The following FAM107B variants were observed in gnomAD, a reference collection of about 807,000 sequenced individuals.
FAM107B encodes protein FAM107B.
In FAM107B, 21 loss-of-function variants were observed where a neutral mutation model predicts 31.5. The ratio of observed to expected loss-of-function variants is 0.67; its 90% confidence interval spans 0.47 to 0.96. FAM107B has a LOEUF of 0.96. Ranked by LOEUF, FAM107B falls within the 40% of genes least tolerant of loss-of-function variation. The pLI is 0.00. For missense variants in FAM107B, 452 were observed against 377.1 expected (o/e 1.20, Z -1.64); for synonymous variants, 157 against 141.5 (o/e 1.11, Z -0.78).
chr10:14,705,023 C>CAAAAA (rs57922026), intron 1 of FAM107B, among the ~76,000 whole-genome samples: 1,555 of 81,764 alleles, frequency 0.019, 43 homozygotes, highest in African/African-American at 0.04. Context: ...GACCCTGTCA[C>CAAAAA]AAAAAAAAAA....
At chr10:14,661,341 C>A (rs143177175) in intron 2 of FAM107B, among the ~76,000 whole-genome samples, 38 of 152,276 alleles carry the variant, frequency 2.5e-4, no homozygotes, top group African/African-American at 9.1e-4. Context: ...GACAGTGTGT[C>A]CAGATGAGTT....
intron 2 of FAM107B, among the ~76,000 whole-genome samples, chr10:14,666,056 C>T (rs1271574147): frequency 6.6e-6 from 1 of 152,162 alleles, no homozygotes; most frequent in African/African-American, 2.4e-5. Context: ...TGAATTACTA[C>T]TATGTATCAG....
At chr10:14,770,355 T>A (rs1225515047) in intron 1 of FAM107B, among the ~76,000 whole-genome samples, 1 of 152,006 alleles carries the variant, frequency 6.6e-6, no homozygotes, top group Non-Finnish European at 1.5e-5. Context: ...AAAACCCATC[T>A]CTACTAAAAA....
chr10:14,623,260 ACAACT>A (rs1853063079), intron 2 of FAM107B, among the ~76,000 whole-genome samples: 1 of 152,222 alleles, frequency 6.6e-6, no homozygotes, highest in Non-Finnish European at 1.5e-5. Flanking sequence ...TCTTAAGCAA[ACAACT>A]CAATCAGTAG....
chr10:14,582,217 C>A (rs1851657412), intron 2 of FAM107B, among the ~76,000 whole-genome samples: 1 of 152,142 alleles, frequency 6.6e-6, no homozygotes, highest in South Asian at 2.1e-4. Context: ...CGTAAATATA[C>A]ACTAAGTTTT....
intron 2 of FAM107B, among the ~76,000 whole-genome samples, chr10:14,652,263 C>T (rs1437482015): frequency 6.6e-6 from 1 of 152,166 alleles, no homozygotes; most frequent in Non-Finnish European, 1.5e-5. Context: ...GAGCTCCTTC[C>T]TGACAGAAAC....
intron 1 of FAM107B, among the ~76,000 whole-genome samples, chr10:14,702,217 A>T (rs763912754): frequency 3.9e-5 from 6 of 152,252 alleles, no homozygotes; most frequent in Non-Finnish European, 8.8e-5. Context: ...ATATATGTAC[A>T]TGGATATCCT....
At chr10:14,612,265 C>T (rs1852744368) in intron 2 of FAM107B, among the ~76,000 whole-genome samples, 1 of 152,122 alleles carries the variant, frequency 6.6e-6, no homozygotes, top group African/African-American at 2.4e-5. Flanking sequence ...ATTTGTTCCA[C>T]CAAATTTAAC....
intron 1 of FAM107B, among the ~76,000 whole-genome samples, chr10:14,738,739 T>C (rs1413236108): frequency 1.3e-5 from 2 of 152,150 alleles, no homozygotes; most frequent in Admixed American, 1.3e-4. Flanking sequence ...AGGTAAGGAA[T>C]TCGGACATTA....
At chr10:14,651,164 T>C (rs1458321797) in intron 2 of FAM107B, among the ~76,000 whole-genome samples, 5 of 152,348 alleles carry the variant, frequency 3.3e-5, no homozygotes, top group African/African-American at 9.6e-5. Flanking sequence ...AGCTAGTATA[T>C]CATTGGCCAG....
intron 2 of FAM107B, among the ~76,000 whole-genome samples, chr10:14,607,097 G>A (rs1235437328): frequency 3.9e-5 from 6 of 152,206 alleles, no homozygotes; most frequent in Non-Finnish European, 5.9e-5. Flanking sequence ...GTGTGTGAAT[G>A]TGATAAGTGA....
chr10:14,525,742 A>G (rs1381810040), intron 3 of FAM107B, among the ~76,000 whole-genome samples: 4 of 152,206 alleles, frequency 2.6e-5, no homozygotes, highest in Non-Finnish European at 5.9e-5. Context: ...CTCTGTGGAC[A>G]TTTATAGCTG....
At chr10:14,658,241 G>A (rs1444968348) in intron 2 of FAM107B, among the ~76,000 whole-genome samples, 1 of 152,180 alleles carries the variant, frequency 6.6e-6, no homozygotes, top group East Asian at 1.9e-4. Flanking sequence ...AAAGAGTTTA[G>A]AGGTCAGGTC....
chr10:14,663,024 C>A (rs72770520), intron 2 of FAM107B, among the ~76,000 whole-genome samples: 1 of 152,060 alleles, frequency 6.6e-6, no homozygotes, highest in East Asian at 1.9e-4. Context: ...CTGAGTCTTC[C>A]GGTCTTCATC....
At chr10:14,667,809 A>C in intron 1 of FAM107B, 118 bp from the exon 2 acceptor site, 1 of 1,002,850 alleles carries the variant, frequency 1.0e-6, no homozygotes, top group Non-Finnish European at 1.5e-6. Context: ...GAAAAACTTA[A>C]ACCACACCTT....
At chr10:14,737,868 G>A (rs1856343977) in intron 1 of FAM107B, among the ~76,000 whole-genome samples, 1 of 149,022 alleles carries the variant, frequency 6.7e-6, no homozygotes, top group African/African-American at 2.5e-5. Flanking sequence ...TTTTCCATCT[G>A]CAAATGCAGT....
At chr10:14,532,929 A>G (rs886288912) in intron 2 of FAM107B, among the ~76,000 whole-genome samples, 1 of 152,088 alleles carries the variant, frequency 6.6e-6, no homozygotes, top group African/African-American at 2.4e-5. Context: ...CAGCGAGAAG[A>G]GCGCATGCAA....
intron 2 of FAM107B, among the ~76,000 whole-genome samples, chr10:14,654,286 T>C (rs967581806): frequency 6.6e-6 from 1 of 152,208 alleles, no homozygotes; most frequent in Admixed American, 6.5e-5. Flanking sequence ...TTTGCTCTGG[T>C]TGTAACATCA....
Position 14,548,838 on chromosome 10 carries a change from A to G in FAM107B, c.470-18323T>C, listed in dbSNP as rs943186. 4.0e-4 allele frequency among the ~76,000 whole-genome samples: 61 copies of G among 151,408 alleles called. 1 individual carries two copies. Among genetic ancestry groups the G allele is most frequent in the South Asian group, 3.5e-3 (17 of 4,802 alleles). On this transcript the variant is annotated intron_variant, in intron 2 of 4. Coordinates refer to ENST00000181796, the MANE Select transcript of FAM107B (RefSeq NM_031453.4). ...TACACATGCACACGCACACACACGC[A>G]CACACACACCGACTGAATGCTGAGT... is the stretch of plus-strand genomic sequence containing the variant.
Sources: allele counts gnomAD v4.1 joint callset (sites outside exome capture counted in the v4.1 genomes callset), GRCh38; gene constraint gnomAD v4.1.1; transcripts MANE v1.5; gene names NCBI Gene and HGNC (gene_info 2026-07-23, HGNC 2026-07-21).